Variants in PRDM11 observed in about 807,000 individuals in gnomAD.
PRDM11 encodes the protein PR domain-containing protein 11.
A neutral mutation model predicts 97.8 loss-of-function variants in PRDM11; 20 were observed. That is an observed-to-expected ratio of 0.20 (90% CI 0.14 to 0.30). The LOEUF (loss-of-function observed/expected upper bound fraction) is 0.30. PRDM11 is among the 10% of genes least tolerant of loss of function. PRDM11 has a pLI of 1.00. For synonymous variants in PRDM11, 599 were observed against 637.7 expected, an observed-to-expected ratio of 0.94 and a Z score of 0.91; for missense variants, 1,139 against 1,555.2, an observed-to-expected ratio of 0.73 and a Z score of 4.50.
Position 45,159,631 on chromosome 11 carries a change from T to C in PRDM11, c.-7+12754T>C, listed in dbSNP as rs144971102. ...CTTGGAGGTAATGGCCTCCTTGGCC[T>C]CTGCTTGCTGTATTGTCAGGGTCTG... On this transcript the variant is annotated intron_variant, in intron 1 of 7. Coordinates refer to ENST00000683152, the MANE Select transcript of PRDM11 (RefSeq NM_001384648.1). 7.5e-3 allele frequency among the ~76,000 whole-genome samples: 1,136 copies of C among 152,312 alleles called. 7 individuals carry two copies. The highest frequency in any genetic ancestry group is 0.014 in the Admixed American group (213 of 15,304).
intron 5 of PRDM11, among the ~76,000 whole-genome samples, chr11:45,215,373 TC>T (rs1283560132): frequency 6.6e-6 from 1 of 152,208 alleles, no homozygotes; most frequent in Non-Finnish European, 1.5e-5. Flanking sequence ...CTTGCCATCC[TC>T]CACAGTTCTT....
intron 5 of PRDM11, chr11:45,212,869 A>G (rs1188695715): frequency 4.6e-6 from 2 of 436,230 alleles, no homozygotes; most frequent in South Asian, 3.3e-5. Context: ...AGACGCTGAC[A>G]GAGATCCGGG....
intron 5 of PRDM11, among the ~76,000 whole-genome samples, chr11:45,208,492 C>A (rs897904377): frequency 2.0e-5 from 3 of 152,156 alleles, no homozygotes; most frequent in Admixed American, 1.3e-4. Context: ...AGATTTTAAG[C>A]CCCTTACATC....
chr11:45,226,632 G>C lies in PRDM11; in HGVS notation c.2007G>C (p.Leu669=), dbSNP rs573536727. Residue 669 remains leucine (L), a synonymous_variant, in exon 8 of 8, where the codon CTG becomes CTC. Coordinates refer to ENST00000683152, the MANE Select transcript of PRDM11 (RefSeq NM_001384648.1). ...SVILDGQSDD[L]LADTVAVYVQ... The stretch of plus-strand genomic sequence containing the variant: ...TCCTGGATGGGCAGAGCGACGACCT[G>C]CTGGCCGACACGGTGGCTGTCTATG... The C allele has an allele frequency of 5.6e-5, 86 of 1,533,994 alleles. No homozygotes were observed. The African/African-American group carries it at 1.0e-3, about 18-fold the overall frequency.
At position 45,146,844 on chromosome 11, in the gene PRDM11, C is replaced by A; in HGVS notation, c.-40C>A. 1 of 146,504 alleles carries A rather than the reference C, an allele frequency of 6.8e-6. No individual in the cohort carries two copies. The highest frequency in any genetic ancestry group is 2.0e-4 in the South Asian group (1 of 5,024). The allele number at this position is 146,504 out of a possible 1,614,324, so 9.1% of individuals were successfully genotyped here. A position where few individuals can be genotyped will look rare whatever the true frequency, so the allele number is the denominator to read the frequency against. ...CGCCCGCCGGGCCGCTCTCGCCGCC[C>A]GGGCCCCGCGGCTGCCGCAGCATTC... is the stretch of plus-strand genomic sequence containing the variant. On this transcript the variant is annotated 5_prime_UTR_variant, in exon 1 of 8. Coordinates refer to ENST00000683152, the MANE Select transcript of PRDM11 (RefSeq NM_001384648.1).
At chr11:45,131,891 G>A (rs1263266942) in intron 1 of PRDM11, among the ~76,000 whole-genome samples, 3 of 152,120 alleles carry the variant, frequency 2.0e-5, no homozygotes, top group Non-Finnish European at 2.9e-5. Flanking sequence ...AATGTTATCC[G>A]GGATCTAGAT....
intron 5 of PRDM11, among the ~76,000 whole-genome samples, chr11:45,214,909 G>A (rs566970047): frequency 6.6e-6 from 1 of 152,256 alleles, no homozygotes; most frequent in East Asian, 1.9e-4. Context: ...CAGATTCCCT[G>A]TATCCAGCAC....
intron 1 of PRDM11, among the ~76,000 whole-genome samples, chr11:45,175,147 A>G (rs935332808): frequency 6.6e-6 from 1 of 152,230 alleles, no homozygotes; most frequent in African/African-American, 2.4e-5. Context: ...ATCGTTATCA[A>G]CCAAAGTCCA....
chr11:45,209,268 G>A, intron 5 of PRDM11: 1 of 369,678 alleles, frequency 2.7e-6, no homozygotes, highest in Non-Finnish European at 5.4e-6. Context: ...GGCGGAACTG[G>A]ATGGCACCGA....
chr11:45,147,287 C>CGT (rs941788256), intron 1 of PRDM11: 22 of 149,436 alleles, frequency 1.5e-4, no homozygotes, highest in African/African-American at 5.6e-4. Context: ...CGCGGTGACA[C>CGT]GGACGGGGCG....
At chr11:45,113,336 A>G (rs73464520) in intron 1 of PRDM11, among the ~76,000 whole-genome samples, 3,840 of 152,210 alleles carry the variant, frequency 0.025, 169 homozygotes, top group African/African-American at 0.088. Flanking sequence ...CCAGTACTAC[A>G]CTGTTTTGGT....
At chr11:45,118,880 T>C (rs1286469925) in intron 1 of PRDM11, among the ~76,000 whole-genome samples, 1 of 152,130 alleles carries the variant, frequency 6.6e-6, no homozygotes, top group Admixed American at 6.6e-5. Flanking sequence ...AAAAAATGCA[T>C]GAAATTGAAA....
chr11:45,112,287 G>A (rs989367569), intron 1 of PRDM11, among the ~76,000 whole-genome samples: 22 of 152,162 alleles, frequency 1.4e-4, no homozygotes, highest in African/African-American at 5.1e-4. Context: ...CATTCTTATG[G>A]CTGAGTAATA....
intron 1 of PRDM11, 134 bp from the exon 2 acceptor site, chr11:45,181,627 A>G: frequency 2.9e-6 from 2 of 683,356 alleles, no homozygotes; most frequent in Non-Finnish European, 5.1e-6. Flanking sequence ...CTGTGTTCTC[A>G]AGTGCTTCCT....
chr11:45,142,125 T>C (rs1424299160), upstream of PRDM11, among the ~76,000 whole-genome samples: 4 of 152,214 alleles, frequency 2.6e-5, no homozygotes, highest in Non-Finnish European at 5.9e-5. Context: ...ATCATCCAGA[T>C]GGCAACCAAG....
At chr11:45,205,001 C>T (rs1430084707) in intron 5 of PRDM11, among the ~76,000 whole-genome samples, 1 of 152,138 alleles carries the variant, frequency 6.6e-6, no homozygotes, top group Non-Finnish European at 1.5e-5. Context: ...ATGCAGGGAC[C>T]GCTCGGGCTG....
At chr11:45,209,678 A>G (rs1231445996) in intron 5 of PRDM11, among the ~76,000 whole-genome samples, 1 of 152,222 alleles carries the variant, frequency 6.6e-6, no homozygotes, top group Admixed American at 6.5e-5. Context: ...GGCTGACTTC[A>G]TGAGCATGCA....
chr11:45,203,378 T>C (rs1853397690), intron 4 of PRDM11, among the ~76,000 whole-genome samples: 1 of 150,312 alleles, frequency 6.7e-6, no homozygotes, highest in Non-Finnish European at 1.5e-5. Flanking sequence ...AAAAAAAAAC[T>C]AATTAAAAAT....
In PRDM11 at chr11:45,196,712, C is replaced by A. The variant is rs1192988788; in HGVS notation, c.487-7999C>A. ...CAAGGAGAGCAAGGCTGTGTGTGGT[C>A]AGGGTAGCGGGTGGTTGGTCCTGAG... is the stretch of plus-strand genomic sequence containing the variant. On this transcript the variant is annotated intron_variant, in intron 4 of 7. Coordinates refer to ENST00000683152, the MANE Select transcript of PRDM11 (RefSeq NM_001384648.1). Among the ~76,000 whole-genome samples the A allele has an allele frequency of 3.3e-5, 5 of 152,176 alleles. No individual in the cohort carries two copies. The East Asian group carries it at 9.6e-4, about 29-fold the overall frequency.
Sources: allele counts gnomAD v4.1 joint callset (sites outside exome capture counted in the v4.1 genomes callset), GRCh38; gene constraint gnomAD v4.1.1; transcripts MANE v1.5; gene names NCBI Gene and HGNC (gene_info 2026-07-23, HGNC 2026-07-21).